Variants in CNTNAP4 observed in about 807,000 individuals in gnomAD.
The protein encoded by CNTNAP4 is contactin associated protein family member 4.
CNTNAP4 carries 98 observed loss-of-function variants against 148.4 expected under a neutral mutation model. That is an observed-to-expected ratio of 0.66 (90% confidence interval 0.56 to 0.78). The LOEUF (loss-of-function observed/expected upper bound fraction) is 0.78. Among genes scored for constraint, CNTNAP4 ranks in the 30% least tolerant of loss-of-function variants. The pLI is 0.00. For synonymous variants in CNTNAP4, 730 were observed against 565.1 expected (o/e 1.29, Z -4.14); for missense variants, 1,935 against 1,565.6 (o/e 1.24, Z -3.98).
chr16:76,494,977 G>A lies in CNTNAP4; in HGVS notation c.2148G>A (p.Ser716=), dbSNP rs74607924. The change falls in exon 14 of 24, where the codon TCG becomes TCA. Residue 716 remains serine, a synonymous_variant. Coordinates refer to ENST00000611870, the MANE Select transcript of CNTNAP4 (RefSeq NM_033401.5). ...CGCAAACCTACTGGGGAGGTTCTTC[G>A]CCTGATCTTCAAAAATGTACTTGTG... ...NETQTYWGGS[S]PDLQKCTCGL... is the part of the protein sequence containing the mutation. 1,901 of 1,613,510 alleles carry A rather than the reference G, an allele frequency of 1.2e-3. 43 individuals are homozygous for A. In the East Asian group the frequency reaches 0.034, roughly 29 times the overall value.
chr16:76,464,316 A>G (rs1243703797), intron 9 of CNTNAP4, among the ~76,000 whole-genome samples: 1 of 152,126 alleles, frequency 6.6e-6, no homozygotes, highest in Non-Finnish European at 1.5e-5. Flanking sequence ...GAGGAGGGCT[A>G]AAGTAGGGTC....
intron 2 of CNTNAP4, among the ~76,000 whole-genome samples, chr16:76,324,821 A>G (rs1305603599): frequency 2.6e-5 from 4 of 152,070 alleles, no homozygotes; most frequent in African/African-American, 9.7e-5. Flanking sequence ...TCTTCTTATA[A>G]AAGCATTAAT....
chr16:76,338,327 GCTCCATTCTCCTTT>G (rs368707807), intron 2 of CNTNAP4, among the ~76,000 whole-genome samples: 1,902 of 152,192 alleles, frequency 0.012, 55 homozygotes, highest in African/African-American at 0.043. Context: ...TAACAATCTG[GCTCCATTCTCCTTT>G]CTTGCCTTGA....
chr16:76,453,511 C>T (rs2080599874), intron 8 of CNTNAP4, among the ~76,000 whole-genome samples: 1 of 152,084 alleles, frequency 6.6e-6, no homozygotes, highest in Non-Finnish European at 1.5e-5. Context: ...CACATTTTTA[C>T]GTATGTACAA....
chr16:76,536,640 C>G (rs909897326), intron 18 of CNTNAP4, among the ~76,000 whole-genome samples: 4 of 152,082 alleles, frequency 2.6e-5, no homozygotes, highest in African/African-American at 9.7e-5. Context: ...AAAATAGACA[C>G]ATTTATACAT....
chr16:76,444,714 G>A (rs763397071), intron 4 of CNTNAP4, among the ~76,000 whole-genome samples: 1 of 152,076 alleles, frequency 6.6e-6, no homozygotes, highest in Non-Finnish European at 1.5e-5. Context: ...GACCTACAAT[G>A]AGTGTTATAT....
At chr16:76,350,303 G>T (rs983946140) in intron 2 of CNTNAP4, among the ~76,000 whole-genome samples, 6 of 152,014 alleles carry the variant, frequency 3.9e-5, no homozygotes, top group African/African-American at 1.5e-4. Context: ...TATTTGCATA[G>T]TATTGGGAAA....
intron 15 of CNTNAP4, among the ~76,000 whole-genome samples, chr16:76,506,508 T>G (rs116481286): frequency 0.048 from 3,489 of 73,168 alleles, 482 homozygotes; most frequent in African/African-American, 0.097. Flanking sequence ...TTTGACAGAA[T>G]TGCCCTCTGT....
At chr16:76,515,612 A>C (rs1301037396) in intron 15 of CNTNAP4, among the ~76,000 whole-genome samples, 1 of 152,172 alleles carries the variant, frequency 6.6e-6, no homozygotes, top group Non-Finnish European at 1.5e-5. Context: ...CTGACCTGTG[A>C]GATTTTGTTA....
intron 2 of CNTNAP4, among the ~76,000 whole-genome samples, chr16:76,353,233 A>C (rs1365216014): frequency 1.3e-5 from 2 of 152,180 alleles, no homozygotes; most frequent in African/African-American, 4.8e-5. Flanking sequence ...AAAGATGGAA[A>C]TTTGATGATG....
chr16:76,312,497 A>G (rs1961233962), intron 1 of CNTNAP4, among the ~76,000 whole-genome samples: 1 of 152,146 alleles, frequency 6.6e-6, no homozygotes, highest in Admixed American at 6.5e-5. Context: ...GAAAAATATC[A>G]TGTTTACTCC....
At chr16:76,455,713 G>T (rs975754367) in intron 8 of CNTNAP4, among the ~76,000 whole-genome samples, 1 of 152,220 alleles carries the variant, frequency 6.6e-6, no homozygotes, top group African/African-American at 2.4e-5. Flanking sequence ...TTGGAAAGAG[G>T]CAACACCCTT....
chr16:76,518,000 T>G (rs2083311988), intron 15 of CNTNAP4, among the ~76,000 whole-genome samples: 1 of 152,214 alleles, frequency 6.6e-6, no homozygotes, highest in South Asian at 2.1e-4. Context: ...TTTTTAACTT[T>G]CTATATGAAA....
At chr16:76,446,436 A>G (rs1399527957) in intron 4 of CNTNAP4, among the ~76,000 whole-genome samples, 1 of 152,196 alleles carries the variant, frequency 6.6e-6, no homozygotes, top group Admixed American at 6.5e-5. Context: ...CAGGATTTCC[A>G]AGTGTTATGA....
intron 17 of CNTNAP4, among the ~76,000 whole-genome samples, chr16:76,523,059 C>A (rs1039792239): frequency 1.3e-5 from 2 of 152,122 alleles, no homozygotes; most frequent in South Asian, 2.1e-4. Context: ...GCCACTGCAC[C>A]CAGCCTTACC....
At chr16:76,342,436 T>C (rs1001043926) in intron 2 of CNTNAP4, among the ~76,000 whole-genome samples, 5 of 151,764 alleles carry the variant, frequency 3.3e-5, no homozygotes, top group African/African-American at 1.2e-4. Flanking sequence ...ACAAATATTA[T>C]ATTTCCTAAA....
chr16:76,380,482 T>A (rs1455139892), intron 3 of CNTNAP4, among the ~76,000 whole-genome samples: 2 of 152,228 alleles, frequency 1.3e-5, no homozygotes, highest in South Asian at 4.1e-4. Context: ...AGGGAAATTA[T>A]TAGAGCATTT....
intron 10 of CNTNAP4, among the ~76,000 whole-genome samples, chr16:76,474,715 A>G (rs1294206796): frequency 6.6e-6 from 1 of 152,154 alleles, no homozygotes; most frequent in Non-Finnish European, 1.5e-5. Context: ...TATTTGAGTC[A>G]ATAACAAAAC....
chr16:76,377,656 C>G (rs963813359), intron 3 of CNTNAP4, among the ~76,000 whole-genome samples: 1 of 152,222 alleles, frequency 6.6e-6, no homozygotes, highest in Admixed American at 6.5e-5. Flanking sequence ...GGACCTCAGT[C>G]TGGAGGGGCA....
Sources: gnomAD v4.1 joint callset for allele counts (sites outside exome capture counted in the v4.1 genomes callset) on GRCh38, gnomAD v4.1.1 for gene constraint, MANE v1.5 for transcripts, NCBI Gene and HGNC (gene_info 2026-07-23, HGNC 2026-07-21) for gene names.